HGS: variants seen among roughly 807,000 people sequenced by gnomAD.
HGS encodes hepatocyte growth factor-regulated tyrosine kinase substrate.
A neutral mutation model predicts 109.7 loss-of-function variants in HGS; 63 were observed. The ratio of observed to expected loss-of-function variants is 0.57; its 90% CI spans 0.47 to 0.71. HGS has a LOEUF of 0.71. HGS is among the 30% of genes least tolerant of loss of function. The pLI, the probability that HGS is intolerant of heterozygous loss-of-function variation, is 0.00. For synonymous variants in HGS, 546 were observed against 437.3 expected (o/e 1.25, Z -3.10); for missense variants, 995 against 1,068.3 (o/e 0.93, Z 0.96).
chr17:81,696,208 C>T (rs138086022), intron 15 of HGS, 149 bp from the exon 16 acceptor site: 3 of 1,125,382 alleles, frequency 2.7e-6, no homozygotes, highest in Admixed American at 2.9e-5. Context: ...CTGCCCAGGA[C>T]CCTCTGCCTG....
At chr17:81,697,880 C>CTATGGCTGGAGTG (rs2037179547) in intron 18 of HGS, 1 of 152,136 alleles carries the variant, frequency 6.6e-6, no homozygotes. Context: ...TCGCTGTCAT[C>CTATGGCTGGAGTG]CAGGCTGGAG....
chr17:81,690,724 C>T lies in HGS; in HGVS notation c.519C>T (p.Phe173=), dbSNP rs374283573. The part of the protein sequence containing the change: ...AEECHRCRVQ[F]GVMTRKHHCR... The stretch of plus-strand genomic sequence containing the variant: ...AATGCCACCGCTGCAGGGTGCAGTT[C>T]GGGGTGATGACCCGTAAGGTGAGTT... Residue 173 remains phenylalanine, a synonymous_variant, in exon 7 of 22, where the codon TTC becomes TTT. Coordinates refer to ENST00000329138, the MANE Select transcript of HGS (RefSeq NM_004712.5). 9.9e-6 allele frequency: 16 copies of T among 1,612,976 alleles called. No homozygotes were observed. In the East Asian group the frequency reaches 1.1e-4, roughly 11 times the overall value.
rs1282276790 is a variant in HGS, at chr17:81,686,197, C to T, written c.123-115C>T. On this transcript the variant is annotated intron_variant, in intron 2 of 21. Transcript: ENST00000329138. ...CCTCCTGCCTTGGCCTCCCAAAGCACTGGGATTACAGGCGTGAGCCACTGC... is the reference window on the plus strand; with the variant it reads ...CCTCCTGCCTTGGCCTCCCAAAGCATTGGGATTACAGGCGTGAGCCACTGC... 9.7e-6 allele frequency: 8 copies of T among 820,588 alleles called. No individual in the cohort carries two copies. The Admixed American group carries it at 1.3e-4, about 13-fold the overall frequency. The allele number at this position is 820,588 out of a possible 1,614,324, so 50.8% of individuals were successfully genotyped here.
At chr17:81,690,133 C>T (rs2037041020) in intron 5 of HGS, 49 bp from the exon 6 acceptor site, 4 of 1,589,652 alleles carry the variant, frequency 2.5e-6, no homozygotes, top group Non-Finnish European at 3.4e-6. Context: ...TCCCGGAAGT[C>T]TTGCAGGCCA....
chr17:81,695,555 G>C (rs1306455675), intron 14 of HGS: 2 of 602,256 alleles, frequency 3.3e-6, no homozygotes, highest in Non-Finnish European at 5.9e-6. Context: ...CCTGGAGAGG[G>C]AGCTGGCAGT....
intron 18 of HGS, among the ~76,000 whole-genome samples, chr17:81,698,564 C>T (rs1445808690): frequency 6.6e-6 from 1 of 152,154 alleles, no homozygotes; most frequent in Non-Finnish European, 1.5e-5. Context: ...ATGTTCTCAA[C>T]CCTGGAAGCA....
rs772778405 is a variant in HGS at position 81,694,856 on chromosome 17, A to G, written c.975+3A>G. The stretch of plus-strand genomic sequence containing the variant: ...TGGCTGAGGACATCGACCCTGAGGT[A>G]AGGCCCAGCATGGGGTGCATCCTCT... On this transcript the variant is annotated splice_donor_region_variant and intron_variant, in intron 12 of 21. Coordinates refer to ENST00000329138, the MANE Select transcript of HGS (RefSeq NM_004712.5). 48 of 1,614,122 alleles carry G rather than the reference A, an allele frequency of 3.0e-5. No individual in the cohort carries two copies. The highest frequency in any genetic ancestry group is 4.0e-5 in the Non-Finnish European group (47 of 1,180,042).
At chr17:81,699,715 C>T (rs1598751177) in intron 18 of HGS, among the ~76,000 whole-genome samples, 1 of 152,166 alleles carries the variant, frequency 6.6e-6, no homozygotes, top group Non-Finnish European at 1.5e-5. Context: ...TGAGCCACCA[C>T]GCCCCGCCTA....
Position 81,696,209 on chromosome 17 carries a change from C to T in HGS, c.1394-148C>T, listed in dbSNP as rs1338563386. 5 of 1,046,656 alleles carry T rather than the reference C, an allele frequency of 4.8e-6. No homozygotes were observed. The East Asian group carries it at 1.1e-4, about 22-fold the overall frequency. 64.8% of individuals were successfully genotyped at this position (1,046,656 alleles called of 1,614,324 possible). On this transcript the variant is annotated intron_variant, in intron 15 of 21. Coordinates refer to ENST00000329138, the MANE Select transcript of HGS (RefSeq NM_004712.5). ...TGCCCTGCCCTGCCCTGCCCAGGAC[C>T]CTCTGCCTGCCTCCCCCAGAGCCCA...
At chr17:81,700,224 C>T (rs1188029743) in intron 18 of HGS, among the ~76,000 whole-genome samples, 2 of 151,702 alleles carry the variant, frequency 1.3e-5, no homozygotes, top group East Asian at 1.9e-4. Flanking sequence ...AAAAAATTAG[C>T]CGGGCGTAGT....
At chr17:81,690,446 G>T in intron 6 of HGS, 1 of 640,534 alleles carries the variant, frequency 1.6e-6, no homozygotes, top group East Asian at 2.8e-5. Context: ...GTGGCTAGGG[G>T]GCTCGGGAAA....
chr17:81,693,809 G>T, intron 10 of HGS, 57 bp downstream of exon 10: 20 of 1,552,646 alleles, frequency 1.3e-5, no homozygotes, highest in Non-Finnish European at 1.7e-5. Context: ...TGGATGTGCT[G>T]CGGTGGGGCC....
rs548028380 is a variant in HGS at position 81,691,339 on chromosome 17, C to T, written c.538-108C>T. 32 of 1,395,154 alleles carry T rather than the reference C, an allele frequency of 2.3e-5. No individual in the cohort carries two copies. The highest frequency in any genetic ancestry group is 2.9e-5 in the Non-Finnish European group (29 of 1,005,530). The allele number at this position is 1,395,154 out of a possible 1,614,324, so 86.4% of individuals were successfully genotyped here. On this transcript the variant is annotated intron_variant, in intron 7 of 21. Coordinates refer to ENST00000329138, the MANE Select transcript of HGS (RefSeq NM_004712.5). This position sits in a 1 kb window ranked among gnomAD's most constrained non-coding sequence, Gnocchi z 5.3. ...CTTGTTCTGCTTGTCCCTTGCCTTC[C>T]CCCACCTGTGAGGCCCAGCTTCGGC...
At chr17:81,690,078 G>A in intron 5 of HGS, 104 bp from the exon 6 acceptor site, 2 of 1,260,972 alleles carry the variant, frequency 1.6e-6, no homozygotes, top group South Asian at 2.8e-5. Context: ...TCACTTGGGT[G>A]CACGGTCACT....
intron 5 of HGS, 77 bp downstream of exon 5, chr17:81,688,904 A>G (rs1172529894): frequency 1.2e-5 from 19 of 1,580,742 alleles, no homozygotes; most frequent in Non-Finnish European, 1.6e-5. Flanking sequence ...CACAGTGGCG[A>G]GGGGCCTGGG....
At chr17:81,700,060 C>T (rs551459795) in intron 18 of HGS, among the ~76,000 whole-genome samples, 1 of 128,502 alleles carries the variant, frequency 7.8e-6, no homozygotes, top group East Asian at 2.5e-4. Flanking sequence ...GCGTGACAGA[C>T]TATCTCAAAA....
intron 1 of HGS, chr17:81,685,053 A>G: frequency 1.0e-6 from 1 of 985,328 alleles, no homozygotes; most frequent in East Asian, 1.1e-4. Flanking sequence ...GACAGCAGTG[A>G]TGTGGTATGA....
chr17:81,690,485 A>AG, intron 6 of HGS, 189 bp from the exon 7 acceptor site: 1 of 628,568 alleles, frequency 1.6e-6, no homozygotes, highest in Admixed American at 3.0e-5. Flanking sequence ...ATGAGGAAGG[A>AG]AGTCCCTTCC....
chr17:81,686,219 C>T, intron 2 of HGS, 93 bp from the exon 3 acceptor site: 1 of 1,047,678 alleles, frequency 9.5e-7, no homozygotes, highest in Admixed American at 2.0e-5. Context: ...GCGTGAGCCA[C>T]TGCACCTGGC....
Sources: allele counts gnomAD v4.1 joint callset (sites outside exome capture counted in the v4.1 genomes callset), GRCh38; gene constraint gnomAD v4.1.1; non-coding constraint Gnocchi (gnomAD v3.1); transcripts MANE v1.5; gene names NCBI Gene and HGNC (gene_info 2026-07-23, HGNC 2026-07-21).